WASF3: variants seen among roughly 807,000 people sequenced by gnomAD.
WASF3 encodes actin-binding protein WASF3.
WASF3 carries 11 observed loss-of-function variants against 46.6 expected under a neutral mutation model. The ratio of observed to expected loss-of-function variants is 0.24; its 90% CI spans 0.15 to 0.39. The LOEUF is 0.39. WASF3 is among the 10% of genes least tolerant of loss of function. The pLI is 1.00. For synonymous variants in WASF3, 242 were observed against 259.7 expected (o/e 0.93, Z 0.65); for missense variants, 576 against 669.8 (o/e 0.86, Z 1.55).
intron 3 of WASF3, among the ~76,000 whole-genome samples, chr13:26,656,261 C>T (rs1882461991): frequency 6.6e-6 from 1 of 152,074 alleles, no homozygotes; most frequent in African/African-American, 2.4e-5. Context: ...AAAAAAGTTT[C>T]TTTTAAGCTA....
At chr13:26,599,224 C>G (rs1483398857) in intron 1 of WASF3, among the ~76,000 whole-genome samples, 5 of 132,096 alleles carry the variant, frequency 3.8e-5, no homozygotes, top group Non-Finnish European at 1.6e-5. Context: ...TGCTCTGTCA[C>G]CCAGGCTGGA....
intron 6 of WASF3, among the ~76,000 whole-genome samples, chr13:26,673,886 C>G (rs776202459): frequency 2.0e-5 from 3 of 152,096 alleles, no homozygotes; most frequent in Admixed American, 2.0e-4. Flanking sequence ...GAAGACCTCT[C>G]TAAGGAGGTG....
At chr13:26,613,381 A>G (rs1254919016) in intron 2 of WASF3, among the ~76,000 whole-genome samples, 8 of 151,992 alleles carry the variant, frequency 5.3e-5, no homozygotes, top group Admixed American at 5.2e-4. Flanking sequence ...GTTTTTGCCC[A>G]TTTACTTTTT....
At chr13:26,581,775 T>G (rs1879986292) in intron 1 of WASF3, among the ~76,000 whole-genome samples, 1 of 152,194 alleles carries the variant, frequency 6.6e-6, no homozygotes, top group Non-Finnish European at 1.5e-5. Context: ...AAACTAGGCT[T>G]TGATATGATC....
chr13:26,657,906 T>C (rs1195308249), intron 3 of WASF3, among the ~76,000 whole-genome samples: 1 of 152,328 alleles, frequency 6.6e-6, no homozygotes, highest in African/African-American at 2.4e-5. Flanking sequence ...AAAATATTAA[T>C]TATGCAAGTC....
chr13:26,639,394 A>G (rs1306808632), intron 2 of WASF3, among the ~76,000 whole-genome samples: 2 of 152,252 alleles, frequency 1.3e-5, no homozygotes, highest in East Asian at 1.9e-4. Flanking sequence ...AGAGAAATAT[A>G]TATGTAAATG....
At chr13:26,554,130 T>TCTTTCTTTCTTC (rs1491473450), upstream of WASF3, among the ~76,000 whole-genome samples, 2 of 145,292 alleles carry the variant, frequency 1.4e-5, no homozygotes, top group African/African-American at 5.2e-5. Flanking sequence ...TTTCTTTCTT[T>TCTTTCTTTCTTC]CTTTCTTTCT....
At chr13:26,573,808 T>TC (rs1361652059) in intron 1 of WASF3, among the ~76,000 whole-genome samples, 9 of 152,200 alleles carry the variant, frequency 5.9e-5, no homozygotes, top group Non-Finnish European at 1.3e-4. Context: ...CAGAAGGCCC[T>TC]CACATTCCCT....
intron 1 of WASF3, among the ~76,000 whole-genome samples, chr13:26,594,315 C>G (rs1432544994): frequency 2.0e-5 from 3 of 152,168 alleles, no homozygotes; most frequent in Admixed American, 6.5e-5. Context: ...CCCCCGGTAC[C>G]TCAAGATCAC....
intron 1 of WASF3, among the ~76,000 whole-genome samples, chr13:26,586,175 C>T (rs1036490148): frequency 2.6e-5 from 4 of 151,554 alleles, no homozygotes; most frequent in African/African-American, 7.3e-5. Context: ...TAATATTTGC[C>T]CTTTATTGTT....
At chr13:26,554,085 TTCCTTCC>T (rs1879035979), upstream of WASF3, among the ~76,000 whole-genome samples, 6 of 115,282 alleles carry the variant, frequency 5.2e-5, no homozygotes, top group Non-Finnish European at 5.3e-5. Flanking sequence ...CCTTCCTTCC[TTCCTTCC>T]TTCCTTCTTT....
intron 1 of WASF3, among the ~76,000 whole-genome samples, chr13:26,576,170 A>G (rs1879789822): frequency 6.6e-6 from 1 of 151,718 alleles, no homozygotes; most frequent in Non-Finnish European, 1.5e-5. Flanking sequence ...TTTAAATTTC[A>G]CTTTCTTATG....
chr13:26,557,894 T>C (rs968464133), intron 1 of WASF3, 75 bp downstream of exon 1: 7 of 288,004 alleles, frequency 2.4e-5, no homozygotes, highest in Admixed American at 5.3e-5. Context: ...GCCGGGCGGC[T>C]GTCGGGGGAG....
At position 26,681,281 on chromosome 13, in the gene WASF3, G is replaced by A; in HGVS notation, c.944G>A (p.Gly315Glu). The A allele has an allele frequency of 6.2e-7, 1 of 1,612,544 alleles. No individual in the cohort carries two copies. The highest frequency in any genetic ancestry group is 2.2e-5 in the East Asian group (1 of 44,854). The change falls in exon 8 of 10, where the codon GGG becomes GAG. Residue 315 changes from glycine to glutamate, a missense_variant. Gly to Glu is a moderately conservative substitution (Grantham distance 98, BLOSUM62 -2). This residue lies in a region of WASF3 where 295 missense variants were observed against 291.5 expected (regional missense o/e 1.01). Transcript: ENST00000335327. ...CCGCCTCCCCCTCAGGCCCCAGAGG[G>A]GTCCCAGGCCTCTGCACCGATGGCT... The part of the protein sequence containing the change: ...PPPPPPQAPE[G>E]SQASAPMAPA...
chr13:26,561,120 G>A lies in WASF3; in HGVS notation c.-109+3301G>A, dbSNP rs1879281132. On this transcript the variant is annotated intron_variant, in intron 1 of 9. Transcript: ENST00000335327. ...AGTGGCAAGAAGTGAGGGAGGAGAA[G>A]TAAGGAGGGACTGTGCCTTGTGGGG... Among the ~76,000 whole-genome samples the A allele has an allele frequency of 1.3e-5, 2 of 152,094 alleles. 1 individual carries two copies. The highest frequency in any genetic ancestry group is 4.2e-4 in the South Asian group (2 of 4,810).
chr13:26,575,353 T>A (rs1000796710), intron 1 of WASF3, among the ~76,000 whole-genome samples: 1 of 152,228 alleles, frequency 6.6e-6, no homozygotes, highest in Non-Finnish European at 1.5e-5. Context: ...CTTGTTTTTA[T>A]TCTTAGTTCT....
intron 1 of WASF3, among the ~76,000 whole-genome samples, chr13:26,591,228 A>T (rs1374800411): frequency 1.3e-5 from 2 of 152,090 alleles, no homozygotes; most frequent in African/African-American, 4.8e-5. Context: ...AGGTCATCGT[A>T]AAGGTTTTAG....
intron 1 of WASF3, among the ~76,000 whole-genome samples, chr13:26,589,371 G>C (rs1437007141): frequency 6.6e-6 from 1 of 152,120 alleles, no homozygotes; most frequent in Non-Finnish European, 1.5e-5. Context: ...ACTGAACAGG[G>C]TGTCATGTTG....
chr13:26,590,196 T>A (rs7319711), intron 1 of WASF3, among the ~76,000 whole-genome samples: 11,659 of 152,240 alleles, frequency 0.077, 747 homozygotes, highest in African/African-American at 0.17. Flanking sequence ...TTCCATCCTG[T>A]TAATTTTTTA....
Sources: gnomAD v4.1 joint callset for allele counts (sites outside exome capture counted in the v4.1 genomes callset) on GRCh38, gnomAD v4.1.1 for gene constraint, gnomAD v4.1.1 regional missense constraint, MANE v1.5 for transcripts, NCBI Gene and HGNC (gene_info 2026-07-23, HGNC 2026-07-21) for gene names.